SYTL5: variants seen among roughly 807,000 people sequenced by gnomAD.
SYTL5 encodes synaptotagmin like 5, also known as synaptotagmin-like protein 5.
A neutral mutation model predicts 55.9 loss-of-function variants in SYTL5; 34 were observed. The ratio of observed to expected loss-of-function variants is 0.61; its 90% confidence interval spans 0.46 to 0.81. SYTL5 has a LOEUF of 0.81. Among genes scored for constraint, SYTL5 ranks in the 30% least tolerant of loss-of-function variants. SYTL5 has a pLI of 0.00. For missense variants in SYTL5, 637 were observed against 546.7 expected (o/e 1.17, Z -1.65); for synonymous variants, 221 against 188.7 (o/e 1.17, Z -1.40).
the SYTL5 span, among the ~76,000 whole-genome samples, chrX:37,892,410 A>C: frequency 9.6e-6 from 1 of 103,983 alleles, no homozygotes; most frequent in African/African-American, 3.4e-5. Context: ...CTATTCAAGA[A>C]AGATTCTTTA....
chrX:38,002,952 T>A (rs1302437320), upstream of SYTL5, among the ~76,000 whole-genome samples: 1 of 111,911 alleles, frequency 8.9e-6, no homozygotes, highest in Non-Finnish European at 1.9e-5. Context: ...CATGCCTATG[T>A]CCTGAATGGT....
intron 2 of SYTL5, among the ~76,000 whole-genome samples, chrX:38,052,390 C>G (rs191220320): frequency 3.0e-4 from 34 of 111,747 alleles, no homozygotes; most frequent in African/African-American, 9.7e-4. Flanking sequence ...TACCAGAATG[C>G]CTAGCACAGT....
intron 12 of SYTL5, 46 bp downstream of exon 12, chrX:38,108,745 A>T (rs899817378): frequency 4.8e-6 from 4 of 836,261 alleles, no homozygotes; most frequent in Non-Finnish European, 7.0e-6. Context: ...ACTGTTCACA[A>T]CTTCAATGGT....
At chrX:38,053,213 G>A (rs985235347) in intron 2 of SYTL5, among the ~76,000 whole-genome samples, 3 of 112,286 alleles carry the variant, frequency 2.7e-5, no homozygotes, top group Non-Finnish European at 5.6e-5. Flanking sequence ...CCCAGGTGAT[G>A]CTGATACTGC....
intron 13 of SYTL5, among the ~76,000 whole-genome samples, 188 bp downstream of exon 13, chrX:38,110,670 A>G (rs1937337609): frequency 8.9e-6 from 1 of 112,333 alleles, no homozygotes; most frequent in South Asian, 3.8e-4. Context: ...TTCTTTGTCA[A>G]TATAGATCAT....
intron 2 of SYTL5, among the ~76,000 whole-genome samples, chrX:38,052,308 T>C (rs1935644190): frequency 8.9e-6 from 1 of 112,223 alleles, no homozygotes; most frequent in South Asian, 3.7e-4. Context: ...GTGTCATTTG[T>C]CTCCTTAACT....
the SYTL5 span, among the ~76,000 whole-genome samples, chrX:37,969,733 A>G: frequency 9.0e-6 from 1 of 111,204 alleles, no homozygotes; most frequent in Admixed American, 9.5e-5. Flanking sequence ...CCTGGGTTCA[A>G]GAGATTCTCC....
At chrX:37,947,481 C>G in the SYTL5 span, among the ~76,000 whole-genome samples, 1,057 of 111,790 alleles carry the variant, frequency 9.5e-3, 29 homozygotes, top group East Asian at 0.077. Context: ...GCTTCCCCTT[C>G]ACCCTCTGCC....
At chrX:38,023,982 A>T (rs1934662473) in intron 1 of SYTL5, 1 of 110,799 alleles carries the variant, frequency 9.0e-6, no homozygotes, top group Admixed American at 9.7e-5. Flanking sequence ...CCAACCTAAT[A>T]CCTTTTTCCA....
intron 13 of SYTL5, among the ~76,000 whole-genome samples, chrX:38,115,924 C>T (rs1300019183): frequency 8.9e-6 from 1 of 112,055 alleles, no homozygotes; most frequent in African/African-American, 3.2e-5. Flanking sequence ...TTTCTTTGCT[C>T]TGCAGAAGTT....
At chrX:37,903,290 G>A in the SYTL5 span, among the ~76,000 whole-genome samples, 1 of 106,856 alleles carries the variant, frequency 9.4e-6, no homozygotes, top group Middle Eastern at 4.7e-3. Flanking sequence ...GCAAAGACTT[G>A]GAACCAACCC....
At chrX:38,063,733 G>A (rs1056303993) in intron 3 of SYTL5, among the ~76,000 whole-genome samples, 28 of 111,653 alleles carry the variant, frequency 2.5e-4, no homozygotes, top group South Asian at 7.5e-4. Flanking sequence ...ATCCATGTTC[G>A]TGTGAATAAC....
the SYTL5 span, among the ~76,000 whole-genome samples, chrX:37,962,247 C>T: frequency 5.4e-5 from 6 of 110,603 alleles, no homozygotes; most frequent in Admixed American, 3.9e-4. Context: ...CGACAGGCCC[C>T]GGTGTGTGAT....
chrX:38,100,244 G>T (rs1448647695), intron 9 of SYTL5, among the ~76,000 whole-genome samples: 1 of 110,965 alleles, frequency 9.0e-6, no homozygotes, highest in Non-Finnish European at 1.9e-5. Flanking sequence ...CATCTTGTGG[G>T]CTCATCAGTG....
the SYTL5 span, among the ~76,000 whole-genome samples, chrX:37,925,810 G>T: frequency 1.2e-4 from 13 of 110,972 alleles, no homozygotes; most frequent in African/African-American, 4.3e-4. Context: ...TTATGCCTTT[G>T]CGTCCTCATA....
At chrX:37,990,068 T>G in the SYTL5 span, among the ~76,000 whole-genome samples, 1,587 of 109,958 alleles carry the variant, frequency 0.014, 16 homozygotes, top group South Asian at 0.049. Flanking sequence ...TTATTTTTAG[T>G]AGAGACGGGG....
the SYTL5 span, among the ~76,000 whole-genome samples, chrX:37,911,027 G>A: frequency 3.0e-5 from 3 of 99,273 alleles, no homozygotes; most frequent in East Asian, 3.0e-4. Context: ...GTGCAGCGGC[G>A]CCATCTCAGC....
At chrX:37,904,792 G>T in the SYTL5 span, among the ~76,000 whole-genome samples, 1 of 111,334 alleles carries the variant, frequency 9.0e-6, no homozygotes, top group Non-Finnish European at 1.9e-5. Context: ...TACCAGAGTT[G>T]TAAGAAGTCT....
chrX:37,969,316 T>G, the SYTL5 span, among the ~76,000 whole-genome samples: 1 of 111,748 alleles, frequency 8.9e-6, no homozygotes, highest in Non-Finnish European at 1.9e-5. Flanking sequence ...AGATTAAATT[T>G]ACCAAATTAA....
Sources: allele counts gnomAD v4.1 joint callset (sites outside exome capture counted in the v4.1 genomes callset), GRCh38; gene constraint gnomAD v4.1.1; transcripts MANE v1.5; gene names NCBI Gene and HGNC (gene_info 2026-07-23, HGNC 2026-07-21).